AMOTL1: variants seen among roughly 807,000 people sequenced by gnomAD.
AMOTL1 encodes angiomotin-like protein 1.
Under a neutral mutation model 102.9 loss-of-function variants are expected in AMOTL1, and 45 were observed. The observed-to-expected ratio is 0.44, with a 90% CI of 0.34 to 0.56. The LOEUF (loss-of-function observed/expected upper bound fraction) is 0.56, where lower values mean the gene tolerates loss of function less well. AMOTL1 is among the 20% of genes least tolerant of loss of function. The probability of loss-of-function intolerance (pLI) is 0.01; values close to 1 mark genes in which losing one functional copy is unlikely to be tolerated. For missense variants in AMOTL1, 1,114 were observed against 1,225.6 expected, an observed-to-expected ratio of 0.91 and a Z score of 1.36; for synonymous variants, 481 against 484.7, an observed-to-expected ratio of 0.99 and a Z score of 0.10.
intron 3 of AMOTL1, among the ~76,000 whole-genome samples, chr11:94,743,243 C>G (rs1286293235): frequency 6.6e-6 from 1 of 152,172 alleles, no homozygotes; most frequent in Non-Finnish European, 1.5e-5. Context: ...AAGGCGTCTT[C>G]CAGTTCTATT....
intron 2 of AMOTL1, among the ~76,000 whole-genome samples, chr11:94,730,180 A>G (rs1342683765): frequency 6.6e-6 from 1 of 152,156 alleles, no homozygotes; most frequent in Non-Finnish European, 1.5e-5. Context: ...TCCCTAGTTC[A>G]ACACACAGCC....
intron 3 of AMOTL1, among the ~76,000 whole-genome samples, chr11:94,813,946 G>A (rs906533122): frequency 6.6e-6 from 1 of 152,180 alleles, no homozygotes; most frequent in Non-Finnish European, 1.5e-5. Flanking sequence ...CACCTCCTGA[G>A]TATTCCCTTT....
intron 2 of AMOTL1, chr11:94,729,142 C>A: frequency 2.0e-6 from 2 of 986,990 alleles, no homozygotes; most frequent in Non-Finnish European, 2.8e-6. Context: ...CAGTACGTGC[C>A]CACGCTGTTT....
At chr11:94,750,500 C>A (rs972291084) in intron 3 of AMOTL1, among the ~76,000 whole-genome samples, 6 of 152,156 alleles carry the variant, frequency 3.9e-5, no homozygotes, top group Non-Finnish European at 5.9e-5. Context: ...CCCAGGTCCT[C>A]CTGATTGCGA....
At chr11:94,804,207 T>G (rs995114848) in intron 3 of AMOTL1, among the ~76,000 whole-genome samples, 1 of 152,244 alleles carries the variant, frequency 6.6e-6, no homozygotes, top group African/African-American at 2.4e-5. Context: ...GTAAAAATAT[T>G]ACGGTGCCTG....
At chr11:94,837,997 C>T (rs1046706049) in intron 6 of AMOTL1, among the ~76,000 whole-genome samples, 2 of 152,160 alleles carry the variant, frequency 1.3e-5, no homozygotes, top group African/African-American at 2.4e-5. Flanking sequence ...AATTCAGAAC[C>T]AGGAAATCCA....
At chr11:94,769,935 CG>C (rs1236594268) in intron 1 of AMOTL1, among the ~76,000 whole-genome samples, 1 of 152,150 alleles carries the variant, frequency 6.6e-6, no homozygotes, top group East Asian at 1.9e-4. Context: ...AAAGCAGTAA[CG>C]TGCTAACCTG....
intron 12 of AMOTL1, 132 bp from the exon 13 acceptor site, chr11:94,870,557 A>T: frequency 1.7e-6 from 1 of 602,124 alleles, no homozygotes; most frequent in Non-Finnish European, 2.9e-6. Flanking sequence ...TGTGGGCTGG[A>T]TCATCTCACA....
At chr11:94,838,390 C>T (rs938207354) in intron 6 of AMOTL1, among the ~76,000 whole-genome samples, 7 of 152,188 alleles carry the variant, frequency 4.6e-5, no homozygotes, top group African/African-American at 1.7e-4. Flanking sequence ...TGTTTTAGGC[C>T]ACAAGTCAGC....
intron 5 of AMOTL1, among the ~76,000 whole-genome samples, 151 bp downstream of exon 5, chr11:94,830,345 A>C (rs1052841982): frequency 6.6e-6 from 1 of 152,116 alleles, no homozygotes; most frequent in African/African-American, 2.4e-5. Flanking sequence ...GGAAGGGAGG[A>C]GGTGCTCAAA....
intron 2 of AMOTL1, chr11:94,796,953 C>T: frequency 6.1e-6 from 6 of 984,484 alleles, no homozygotes; most frequent in Non-Finnish European, 6.0e-6. Flanking sequence ...GTTTTTTTCT[C>T]ATTTCACTGT....
At chr11:94,811,442 T>A (rs932035296) in intron 3 of AMOTL1, among the ~76,000 whole-genome samples, 5 of 151,832 alleles carry the variant, frequency 3.3e-5, no homozygotes, top group African/African-American at 1.2e-4. Flanking sequence ...TTGCAGTAAG[T>A]CAAGATTAAT....
At chr11:94,807,708 G>A (rs1282926716) in intron 3 of AMOTL1, among the ~76,000 whole-genome samples, 4 of 151,780 alleles carry the variant, frequency 2.6e-5, no homozygotes, top group East Asian at 3.9e-4. Flanking sequence ...TTAATATTTC[G>A]CTATGGATGG....
chr11:94,857,954 A>G (rs333023), intron 8 of AMOTL1, among the ~76,000 whole-genome samples: 7,928 of 152,110 alleles, frequency 0.052, 682 homozygotes, highest in African/African-American at 0.18. Context: ...CTAGCTCTGT[A>G]CCCTTGAATG....
rs1007770589 is a variant in AMOTL1, at chr11:94,768,380, A to C, written c.-132A>C. ...GAGCGCGCGAGAAGCTCTAGGACCC[A>C]GCAGCGGTTGTCGGGTTTGGGGCTG... On this transcript the variant is annotated 5_prime_UTR_variant, in exon 1 of 13. Coordinates refer to ENST00000433060, the MANE Select transcript of AMOTL1 (RefSeq NM_130847.3). The C allele has an allele frequency of 1.3e-6, 2 of 1,491,832 alleles. No homozygotes were observed. Among genetic ancestry groups the C allele is most frequent in the African/African-American group, 2.8e-5 (2 of 71,636 alleles). The allele number at this position is 1,491,832 out of a possible 1,614,324, so 92.4% of individuals were successfully genotyped here. A position where few individuals can be genotyped will look rare whatever the true frequency, so the allele number is the denominator to read the frequency against.
At chr11:94,855,013 A>G (rs960085177) in intron 8 of AMOTL1, among the ~76,000 whole-genome samples, 10 of 152,216 alleles carry the variant, frequency 6.6e-5, no homozygotes, top group African/African-American at 1.9e-4. Flanking sequence ...AAGACTGGTC[A>G]AAGGCTCCTG....
chr11:94,788,635 T>G (rs1951233379), intron 1 of AMOTL1, among the ~76,000 whole-genome samples: 1 of 152,134 alleles, frequency 6.6e-6, no homozygotes, highest in African/African-American at 2.4e-5. Context: ...GCAATAAAAA[T>G]GGGTAGTTGT....
At chr11:94,787,348 G>A (rs940387221) in intron 1 of AMOTL1, among the ~76,000 whole-genome samples, 1 of 152,030 alleles carries the variant, frequency 6.6e-6, no homozygotes, top group Non-Finnish European at 1.5e-5. Context: ...TTTGCACAAG[G>A]TTGGTGCCAA....
intron 1 of AMOTL1, 62 bp downstream of exon 1, chr11:94,768,622 A>T: frequency 1.9e-6 from 3 of 1,554,144 alleles, no homozygotes; most frequent in Non-Finnish European, 2.6e-6. Flanking sequence ...CGAAGAACCC[A>T]GTCGCCCCGG....
Sources: allele counts gnomAD v4.1 joint callset (sites outside exome capture counted in the v4.1 genomes callset), GRCh38; gene constraint gnomAD v4.1.1; transcripts MANE v1.5; gene names NCBI Gene and HGNC (gene_info 2026-07-23, HGNC 2026-07-21).